PTPRE: variants seen among roughly 807,000 people sequenced by gnomAD.
PTPRE encodes protein tyrosine phosphatase receptor type E.
In PTPRE, 51 loss-of-function variants were observed where a neutral mutation model predicts 102.0. The observed-to-expected ratio is 0.50, with a 90% CI of 0.40 to 0.63. The LOEUF (loss-of-function observed/expected upper bound fraction) is 0.63, where lower values mean the gene tolerates loss of function less well. Ranked by LOEUF, PTPRE falls within the 30% of genes least tolerant of loss-of-function variation. The pLI, the probability that PTPRE is intolerant of heterozygous loss-of-function variation, is 0.00. For synonymous variants in PTPRE, 345 were observed against 348.2 expected, an observed-to-expected ratio of 0.99 and a Z score of 0.10; for missense variants, 752 against 915.1, an observed-to-expected ratio of 0.82 and a Z score of 2.30.
Position 128,028,570 on chromosome 10 carries a change from G to A in PTPRE, c.-7-12305G>A, listed in dbSNP as rs1009698725. On this transcript the variant is annotated intron_variant, in intron 2 of 20. Coordinates refer to ENST00000254667, the MANE Select transcript of PTPRE (RefSeq NM_006504.6). This position sits in a 1 kb window ranked among gnomAD's most constrained non-coding sequence, Gnocchi z 4.5. ...ACAGGTTGCAGAAGGCCACTGCCTC[G>A]CTGCAGGAGGCTGGCCCTCAGCGCC... Among the ~76,000 whole-genome samples the A allele has an allele frequency of 1.8e-4, 27 of 152,094 alleles. No homozygotes were observed. Among genetic ancestry groups the A allele is most frequent in the Admixed American group, 9.2e-4 (14 of 15,270 alleles).
chr10:127,985,973 C>T (rs192779232), intron 2 of PTPRE, among the ~76,000 whole-genome samples: 30 of 152,108 alleles, frequency 2.0e-4, no homozygotes, highest in Middle Eastern at 6.8e-3. Context: ...TGCCTGTAAT[C>T]CCAGCTACTT....
chr10:128,068,624 C>T (rs1850488837), intron 12 of PTPRE: 1 of 185,272 alleles, frequency 5.4e-6, no homozygotes, highest in Non-Finnish European at 1.1e-5. Context: ...GAGAGAAAGC[C>T]CCCTGGTTTC....
At chr10:127,954,925 C>T (rs1004928296) in intron 1 of PTPRE, among the ~76,000 whole-genome samples, 2 of 151,592 alleles carry the variant, frequency 1.3e-5, no homozygotes, top group Non-Finnish European at 1.5e-5. Flanking sequence ...CCAGGAGACA[C>T]AACAATGATT....
At chr10:127,919,449 G>A (rs919562978) in intron 1 of PTPRE, among the ~76,000 whole-genome samples, 3 of 152,216 alleles carry the variant, frequency 2.0e-5, no homozygotes, top group Admixed American at 1.3e-4. Context: ...CACGCTGCCT[G>A]CTCCTGCCAC....
intron 2 of PTPRE, among the ~76,000 whole-genome samples, chr10:128,032,475 G>A (rs192285609): frequency 2.6e-4 from 39 of 152,142 alleles, no homozygotes; most frequent in African/African-American, 6.3e-4. Context: ...GACTAAATCC[G>A]GAAGATGACA....
rs1847917323 is a variant in PTPRE, at chr10:127,937,466, C to T, written c.-31+30157C>T. 2.6e-5 allele frequency among the ~76,000 whole-genome samples: 4 copies of T among 152,160 alleles called. No homozygotes were observed. In the South Asian group the frequency reaches 8.3e-4, roughly 32 times the overall value. On this transcript the variant is annotated intron_variant, in intron 1 of 20. Transcript: ENST00000254667. ...TACCCACACCAGGGATGGCATTTTA[C>T]ACATGAAGAAACAGAGGCCCCAGGG...
intron 2 of PTPRE, among the ~76,000 whole-genome samples, chr10:128,021,479 G>T (rs931261499): frequency 1.3e-5 from 2 of 152,250 alleles, no homozygotes; most frequent in Non-Finnish European, 2.9e-5. Flanking sequence ...GCCTCAGGTT[G>T]CCTTCAGCAT....
At chr10:128,052,802 A>T (rs1225200429) in intron 6 of PTPRE, among the ~76,000 whole-genome samples, 1 of 152,224 alleles carries the variant, frequency 6.6e-6, no homozygotes, top group African/African-American at 2.4e-5. Context: ...CTTCCAGCAC[A>T]ACAAACAAAC....
intron 1 of PTPRE, among the ~76,000 whole-genome samples, chr10:127,981,412 G>T (rs1589894654): frequency 6.6e-6 from 1 of 152,162 alleles, no homozygotes; most frequent in African/African-American, 2.4e-5. Flanking sequence ...CAAGCTGGGT[G>T]AATATACTAA....
intron 9 of PTPRE, among the ~76,000 whole-genome samples, chr10:128,062,179 A>G (rs1028115714): frequency 6.6e-6 from 1 of 152,194 alleles, no homozygotes; most frequent in East Asian, 1.9e-4. Flanking sequence ...AGAGGTTGTC[A>G]TCTGCAGGAC....
chr10:128,049,398 T>G (rs1036158055), intron 5 of PTPRE, 132 bp from the exon 6 acceptor site: 49 of 1,163,908 alleles, frequency 4.2e-5, no homozygotes, highest in Non-Finnish European at 6.0e-5. Context: ...TTAGCCCAGC[T>G]ATGCGATTTG....
intron 1 of PTPRE, among the ~76,000 whole-genome samples, chr10:127,947,101 G>T (rs916115571): frequency 2.0e-5 from 3 of 151,854 alleles, no homozygotes; most frequent in African/African-American, 7.3e-5. Context: ...ACAGAGAAGG[G>T]TTTACGCCAT....
intron 2 of PTPRE, among the ~76,000 whole-genome samples, chr10:128,034,412 C>A (rs971461078): frequency 6.6e-6 from 1 of 151,386 alleles, no homozygotes; most frequent in Admixed American, 6.6e-5. Context: ...TATGGCTGGG[C>A]ATGGTGGTGG....
At chr10:128,049,765 C>A in intron 6 of PTPRE, 99 bp downstream of exon 6, 3 of 1,533,844 alleles carry the variant, frequency 2.0e-6, no homozygotes, top group Non-Finnish European at 8.9e-7. Flanking sequence ...ACTCAGAACC[C>A]TTGCATCAGT....
At chr10:127,914,105 T>A (rs1346036902) in intron 1 of PTPRE, among the ~76,000 whole-genome samples, 1 of 152,042 alleles carries the variant, frequency 6.6e-6, no homozygotes, top group Non-Finnish European at 1.5e-5. Flanking sequence ...GTTCACATGA[T>A]ATCTGGTCAT....
intron 1 of PTPRE, among the ~76,000 whole-genome samples, chr10:127,950,960 C>A (rs1848976444): frequency 6.6e-6 from 1 of 151,850 alleles, no homozygotes; most frequent in African/African-American, 2.4e-5. Flanking sequence ...AGCCGGGCAT[C>A]GTGGCGGGCG....
Position 127,972,193 on chromosome 10 carries a change from C to A in PTPRE, c.-30-10081C>A, listed in dbSNP as rs533339975. Among the ~76,000 whole-genome samples the A allele has an allele frequency of 2.0e-5, 3 of 152,248 alleles. No individual in the cohort carries two copies. In the South Asian group the frequency reaches 6.2e-4, roughly 32 times the overall value. ...CTGGGCAGTGACCACTTCCCCTGAC[C>A]GCTGCCTGGGGACTGCTCCTCCACA... is the stretch of plus-strand genomic sequence containing the variant. On this transcript the variant is annotated intron_variant, in intron 1 of 20. Coordinates refer to ENST00000254667, the MANE Select transcript of PTPRE (RefSeq NM_006504.6).
At chr10:128,062,484 A>G (rs538110041) in intron 9 of PTPRE, among the ~76,000 whole-genome samples, 1 of 152,370 alleles carries the variant, frequency 6.6e-6, no homozygotes, top group East Asian at 1.9e-4. Flanking sequence ...GAGCTAGCCC[A>G]CGGCAGGACA....
intron 2 of PTPRE, among the ~76,000 whole-genome samples, chr10:128,015,860 T>C (rs1845382136): frequency 6.6e-6 from 1 of 152,086 alleles, no homozygotes; most frequent in Admixed American, 6.6e-5. Flanking sequence ...GGCAGCACAA[T>C]CACATGACTG....
Sources: allele counts gnomAD v4.1 joint callset (sites outside exome capture counted in the v4.1 genomes callset), GRCh38; gene constraint gnomAD v4.1.1; non-coding constraint Gnocchi (gnomAD v3.1); transcripts MANE v1.5; gene names NCBI Gene and HGNC (gene_info 2026-07-23, HGNC 2026-07-21).